The following CEP112 variants were observed in gnomAD, a reference collection of about 807,000 sequenced individuals.
CEP112 encodes centrosomal protein 112.
CEP112 carries 127 observed loss-of-function variants against 153.0 expected under a neutral mutation model. The observed-to-expected ratio is 0.83, with a 90% CI of 0.72 to 0.96. CEP112 has a LOEUF of 0.96. CEP112 is among the 40% of genes least tolerant of loss of function. The pLI is 0.00. For missense variants in CEP112, 1,089 were observed against 1,101.2 expected, an observed-to-expected ratio of 0.99 and a Z score of 0.16; for synonymous variants, 358 against 374.4, an observed-to-expected ratio of 0.96 and a Z score of 0.51.
chr17:65,845,741 T>G (rs938605035), intron 21 of CEP112, among the ~76,000 whole-genome samples: 1 of 152,198 alleles, frequency 6.6e-6, no homozygotes, highest in African/African-American at 2.4e-5. Context: ...AAGTTCATAT[T>G]TTATGGACTT....
At chr17:66,130,645 G>A (rs373462458) in intron 5 of CEP112, among the ~76,000 whole-genome samples, 12 of 151,988 alleles carry the variant, frequency 7.9e-5, no homozygotes, top group African/African-American at 2.2e-4. Flanking sequence ...GCGTGGTGGT[G>A]GGCACCTGTA....
intron 17 of CEP112, among the ~76,000 whole-genome samples, chr17:65,991,526 T>A (rs1196646656): frequency 6.6e-6 from 1 of 152,128 alleles, no homozygotes; most frequent in Non-Finnish European, 1.5e-5. Context: ...GTATCATAAG[T>A]TATAGGTTAC....
intron 21 of CEP112, among the ~76,000 whole-genome samples, chr17:65,830,029 TC>T (rs2057013881): frequency 1.3e-5 from 2 of 152,248 alleles, no homozygotes. Context: ...ATATATTTTT[TC>T]ATTTTATTAA....
At chr17:65,850,839 G>A (rs990545011) in intron 21 of CEP112, among the ~76,000 whole-genome samples, 1 of 152,138 alleles carries the variant, frequency 6.6e-6, no homozygotes, top group Non-Finnish European at 1.5e-5. Context: ...GTTCTGCCAA[G>A]AAGTCAGGCT....
At chr17:65,946,250 T>C (rs943327418) in intron 18 of CEP112, among the ~76,000 whole-genome samples, 2 of 152,224 alleles carry the variant, frequency 1.3e-5, no homozygotes, top group African/African-American at 4.8e-5. Flanking sequence ...AATCTTTATC[T>C]ATTCCCAACT....
chr17:66,014,663 T>C (rs77834463), intron 16 of CEP112, among the ~76,000 whole-genome samples: 3,113 of 152,206 alleles, frequency 0.02, 39 homozygotes, highest in Middle Eastern at 0.037. Context: ...CAAGAGCAGC[T>C]CACTCCTTGC....
chr17:66,089,546 T>A (rs1459494312), intron 8 of CEP112, among the ~76,000 whole-genome samples: 1 of 151,974 alleles, frequency 6.6e-6, no homozygotes, highest in African/African-American at 2.4e-5. Flanking sequence ...AAGAAAAATA[T>A]AACAGCATTC....
intron 21 of CEP112, among the ~76,000 whole-genome samples, chr17:65,775,726 C>G (rs2053639855): frequency 6.6e-6 from 1 of 152,136 alleles, no homozygotes; most frequent in South Asian, 2.1e-4. Context: ...TTGTTTCTAA[C>G]CCCTGACCTC....
intron 12 of CEP112, among the ~76,000 whole-genome samples, chr17:66,049,945 A>C (rs1438750654): frequency 6.6e-6 from 1 of 152,156 alleles, no homozygotes; most frequent in African/African-American, 2.4e-5. Flanking sequence ...ATAGCATAAG[A>C]CCTAAGAGGT....
intron 12 of CEP112, among the ~76,000 whole-genome samples, chr17:66,032,109 C>T (rs2145743002): frequency 6.6e-6 from 1 of 152,226 alleles, no homozygotes; most frequent in Admixed American, 6.5e-5. Flanking sequence ...TCAAGCAATT[C>T]TCCTGCCTCA....
At chr17:65,935,977 C>CA (rs1277908024) in intron 18 of CEP112, among the ~76,000 whole-genome samples, 1 of 151,362 alleles carries the variant, frequency 6.6e-6, no homozygotes. Flanking sequence ...GTTGGTTTTT[C>CA]AAAAAAATAA....
intron 20 of CEP112, among the ~76,000 whole-genome samples, chr17:65,855,637 G>A (rs1282505479): frequency 2.0e-5 from 3 of 152,240 alleles, no homozygotes; most frequent in Non-Finnish European, 4.4e-5. Context: ...ATATCTGATA[G>A]TCCCAGGGGA....
intron 19 of CEP112, among the ~76,000 whole-genome samples, chr17:65,921,622 C>T (rs1237276130): frequency 6.6e-6 from 1 of 152,080 alleles, no homozygotes; most frequent in African/African-American, 2.4e-5. Context: ...GTGAAATCTG[C>T]ACCCACCTGA....
intron 8 of CEP112, among the ~76,000 whole-genome samples, chr17:66,095,336 T>G (rs11652096): frequency 0.16 from 24,646 of 151,942 alleles, 2,756 homozygotes; most frequent in African/African-American, 0.31. Flanking sequence ...GTTATTCAGT[T>G]TTTAAAAAGA....
At chr17:65,778,869 T>C (rs1424420193) in intron 21 of CEP112, among the ~76,000 whole-genome samples, 1 of 152,132 alleles carries the variant, frequency 6.6e-6, no homozygotes, top group Non-Finnish European at 1.5e-5. Context: ...GTGCAGTGAC[T>C]TGCACTTTTA....
chr17:65,738,186 A>C (rs1005193531), intron 23 of CEP112, among the ~76,000 whole-genome samples: 1 of 152,198 alleles, frequency 6.6e-6, no homozygotes, highest in Non-Finnish European at 1.5e-5. Context: ...CTATGGTAAA[A>C]GGCCTAGTAT....
chr17:66,063,206 T>TA (rs978697755), intron 10 of CEP112, 125 bp from the exon 11 acceptor site: 2 of 459,448 alleles, frequency 4.4e-6, no homozygotes, highest in African/African-American at 4.1e-5. Flanking sequence ...TGCTTTCTTC[T>TA]AAAATATCTT....
chr17:65,854,180 C>T (rs2058055600), intron 20 of CEP112, among the ~76,000 whole-genome samples: 1 of 151,890 alleles, frequency 6.6e-6, no homozygotes, highest in African/African-American at 2.4e-5. Context: ...TGACTGGAAA[C>T]CAGAAAAATA....
intron 17 of CEP112, among the ~76,000 whole-genome samples, chr17:65,968,389 G>C (rs73992164): frequency 0.066 from 10,032 of 152,146 alleles, 485 homozygotes; most frequent in African/African-American, 0.12. Context: ...TGCACAAATA[G>C]ATCAAATTTC....
Sources: allele counts gnomAD v4.1 joint callset (sites outside exome capture counted in the v4.1 genomes callset), GRCh38; gene constraint gnomAD v4.1.1; transcripts MANE v1.5; gene names NCBI Gene and HGNC (gene_info 2026-07-23, HGNC 2026-07-21).